FHOD3: variants seen among roughly 807,000 people sequenced by gnomAD.
The protein encoded by FHOD3 is formin homology 2 domain containing 3.
A neutral mutation model predicts 173.0 loss-of-function variants in FHOD3; 90 were observed. The ratio of observed to expected loss-of-function variants is 0.52; its 90% CI spans 0.44 to 0.62. The LOEUF is 0.62. Ranked by LOEUF, FHOD3 falls within the 20% of genes least tolerant of loss-of-function variation. The pLI, the probability that FHOD3 is intolerant of heterozygous loss-of-function variation, is 0.00. For synonymous variants in FHOD3, 828 were observed against 823.0 expected (o/e 1.01, Z -0.10); for missense variants, 1,945 against 2,034.7 (o/e 0.96, Z 0.85).
At chr18:36,415,083 C>G (rs1443104862) in intron 3 of FHOD3, among the ~76,000 whole-genome samples, 1 of 152,138 alleles carries the variant, frequency 6.6e-6, no homozygotes, top group Non-Finnish European at 1.5e-5. Context: ...AGTCCCCTCA[C>G]CAGGAGGGCC....
intron 14 of FHOD3, among the ~76,000 whole-genome samples, chr18:36,678,398 A>G (rs1182565227): frequency 6.6e-6 from 1 of 151,854 alleles, no homozygotes; most frequent in Non-Finnish European, 1.5e-5. Flanking sequence ...TTAAATGGGC[A>G]TGATGGTGCA....
At chr18:36,725,723 A>T (rs916403623) in intron 19 of FHOD3, among the ~76,000 whole-genome samples, 7 of 152,194 alleles carry the variant, frequency 4.6e-5, no homozygotes, top group African/African-American at 1.7e-4. Flanking sequence ...CCAGCCTGTC[A>T]TAATGTTCAC....
At chr18:36,733,754 G>A (rs1600473301) in intron 20 of FHOD3, among the ~76,000 whole-genome samples, 1 of 152,174 alleles carries the variant, frequency 6.6e-6, no homozygotes, top group Admixed American at 6.5e-5. Flanking sequence ...GACTTTCATA[G>A]GATTTTTACT....
chr18:36,313,169 T>G (rs937508022), intron 1 of FHOD3, among the ~76,000 whole-genome samples: 1 of 152,222 alleles, frequency 6.6e-6, no homozygotes, highest in African/African-American at 2.4e-5. Flanking sequence ...TCTAGCCACA[T>G]GCTCTGGCTG....
intron 5 of FHOD3, among the ~76,000 whole-genome samples, chr18:36,572,042 T>C (rs1265743785): frequency 6.6e-6 from 1 of 152,208 alleles, no homozygotes; most frequent in African/African-American, 2.4e-5. Context: ...TTCTGTTCAT[T>C]GGAGGCACTG....
chr18:36,334,040 C>T (rs1018891779), intron 1 of FHOD3, among the ~76,000 whole-genome samples: 3 of 152,202 alleles, frequency 2.0e-5, no homozygotes, highest in African/African-American at 7.2e-5. Flanking sequence ...AGCAGGTCTG[C>T]TCAAGCTCTT....
At chr18:36,544,934 C>T (rs1023275540) in intron 5 of FHOD3, among the ~76,000 whole-genome samples, 1 of 152,168 alleles carries the variant, frequency 6.6e-6, no homozygotes, top group Non-Finnish European at 1.5e-5. Flanking sequence ...ACATTAAAAT[C>T]CTGGGAAAAT....
intron 6 of FHOD3, among the ~76,000 whole-genome samples, chr18:36,592,460 T>C (rs9652996): frequency 0.36 from 54,157 of 152,006 alleles, 9,893 homozygotes; most frequent in African/African-American, 0.41. Flanking sequence ...GCATGTGAAG[T>C]GCACTGGGCC....
chr18:36,664,479 G>T (rs540771716), intron 14 of FHOD3, among the ~76,000 whole-genome samples: 3 of 152,164 alleles, frequency 2.0e-5, no homozygotes, highest in African/African-American at 7.2e-5. Flanking sequence ...TCCAAAGCAC[G>T]CAAGAGAAGC....
intron 3 of FHOD3, among the ~76,000 whole-genome samples, chr18:36,376,861 A>G (rs944934484): frequency 6.6e-6 from 1 of 152,192 alleles, no homozygotes; most frequent in Non-Finnish European, 1.5e-5. Context: ...CTCAAGAAGA[A>G]CCTCCTAGTG....
At chr18:36,418,658 A>G (rs1418305023) in intron 3 of FHOD3, among the ~76,000 whole-genome samples, 2 of 152,180 alleles carry the variant, frequency 1.3e-5, no homozygotes, top group African/African-American at 4.8e-5. Flanking sequence ...CACACCTACA[A>G]CCCCAGCACT....
chr18:36,590,061 C>T (rs1308719851), intron 6 of FHOD3, among the ~76,000 whole-genome samples: 1 of 152,168 alleles, frequency 6.6e-6, no homozygotes, highest in Admixed American at 6.5e-5. Context: ...GTTCCACTCG[C>T]CTCGTTTGTG....
intron 5 of FHOD3, among the ~76,000 whole-genome samples, chr18:36,569,561 C>T (rs1370396495): frequency 6.6e-6 from 1 of 152,134 alleles, no homozygotes; most frequent in Non-Finnish European, 1.5e-5. Context: ...TATGAAGGAA[C>T]TGAATGGCAC....
In FHOD3 at chr18:36,513,614, A is replaced by G. The variant is rs148519573; in HGVS notation, c.511+1071A>G. ...TCTGTGTTTGGAGTTGAATGAGACAAGCAAACTGACACAGTCATCTCAGCT... is the reference window on the plus strand; with the variant it reads ...TCTGTGTTTGGAGTTGAATGAGACAGGCAAACTGACACAGTCATCTCAGCT... On this transcript the variant is annotated intron_variant, in intron 5 of 28. Coordinates refer to ENST00000590592, the MANE Select transcript of FHOD3 (RefSeq NM_001281740.3). Among the ~76,000 whole-genome samples, 3 of 152,306 alleles carry G rather than the reference A, an allele frequency of 2.0e-5. No homozygotes were observed. The East Asian group carries it at 5.8e-4, about 29-fold the overall frequency.
Position 36,687,187 on chromosome 18 carries a change from A to G in FHOD3, c.2021+9A>G. ...CAAGCAAGAGAAGAAAGGTTTGTATATTTCTTCTTTCCCATTGTAACAAAT... is the reference window on the plus strand; with the variant it reads ...CAAGCAAGAGAAGAAAGGTTTGTATGTTTCTTCTTTCCCATTGTAACAAAT... On this transcript the variant is annotated intron_variant, in intron 16 of 28. Transcript: ENST00000590592. 1 of 1,600,396 alleles carries G rather than the reference A, an allele frequency of 6.2e-7. No individual in the cohort carries two copies. The highest frequency in any genetic ancestry group is 8.6e-7 in the Non-Finnish European group (1 of 1,169,084).
intron 1 of FHOD3, among the ~76,000 whole-genome samples, chr18:36,353,628 C>T (rs1359780923): frequency 1.3e-5 from 2 of 152,200 alleles, no homozygotes; most frequent in African/African-American, 4.8e-5. Flanking sequence ...ACTCTTACAG[C>T]TCAAGAAATC....
chr18:36,760,711 A>G lies in FHOD3; in HGVS notation c.4553A>G (p.Lys1518Arg), dbSNP rs1411851939. 3 of 1,613,240 alleles carry G rather than the reference A, an allele frequency of 1.9e-6. No individual in the cohort carries two copies. The highest frequency in any genetic ancestry group is 2.5e-6 in the Non-Finnish European group (3 of 1,180,020). The change falls in exon 27 of 29, where the codon AAA (lysine) becomes AGA (arginine). Residue 1518 changes from lysine to arginine, a missense_variant. By Grantham distance (26) the Lys-to-Arg change is conservative. Coordinates refer to ENST00000590592, the MANE Select transcript of FHOD3 (RefSeq NM_001281740.3). ...CACGAGAACATGAAGGCTGTGCTGA[A>G]AACCTCGTCCCCCTCCGTGGAGGAC... Reference protein sequence around the residue: ...AEHENMKAVLKTSSPSVEDAT... With the variant: ...AEHENMKAVLRTSSPSVEDAT...
At chr18:36,606,058 G>T (rs571884525) in intron 8 of FHOD3, among the ~76,000 whole-genome samples, 2 of 152,312 alleles carry the variant, frequency 1.3e-5, no homozygotes, top group African/African-American at 4.8e-5. Flanking sequence ...GGCTTAGGGT[G>T]TTCAGGGAAA....
chr18:36,314,348 C>T (rs756347479), intron 1 of FHOD3, among the ~76,000 whole-genome samples: 4 of 152,182 alleles, frequency 2.6e-5, no homozygotes, highest in African/African-American at 4.8e-5. Flanking sequence ...GGATACAAAT[C>T]ACCAGCCATT....
Sources: allele counts gnomAD v4.1 joint callset (sites outside exome capture counted in the v4.1 genomes callset), GRCh38; gene constraint gnomAD v4.1.1; transcripts MANE v1.5; gene names NCBI Gene and HGNC (gene_info 2026-07-23, HGNC 2026-07-21).